The following BCKDHB variants were observed in gnomAD, a reference collection of about 807,000 sequenced individuals.
The protein encoded by BCKDHB is branched chain keto acid dehydrogenase E1 subunit beta, also known as 2-oxoisovalerate dehydrogenase subunit beta, mitochondrial.
Under a neutral mutation model 48.5 loss-of-function variants are expected in BCKDHB, and 41 were observed. That is an observed-to-expected ratio of 0.85 (90% CI 0.66 to 1.10). The LOEUF (loss-of-function observed/expected upper bound fraction) is 1.10, where lower values mean the gene tolerates loss of function less well. BCKDHB is among the 50% of genes least tolerant of loss of function. BCKDHB has a pLI of 0.00. For missense variants in BCKDHB, 496 were observed against 494.2 expected, an observed-to-expected ratio of 1.00 and a Z score of -0.03; for synonymous variants, 201 against 174.8, an observed-to-expected ratio of 1.15 and a Z score of -1.18.
chr6:80,307,894 T>C, intron 9 of BCKDHB: 2 of 972,706 alleles, frequency 2.1e-6, no homozygotes, highest in Non-Finnish European at 2.4e-6. Context: ...ATTAAAAACA[T>C]AAAAATTATT....
chr6:80,389,194 T>A, the BCKDHB span, among the ~76,000 whole-genome samples: 3 of 152,174 alleles, frequency 2.0e-5, no homozygotes, highest in African/African-American at 7.2e-5. Context: ...CCACTCCAGC[T>A]CTTTCCCCAG....
the BCKDHB span, among the ~76,000 whole-genome samples, chr6:80,417,791 G>T: frequency 1.3e-5 from 2 of 152,062 alleles, no homozygotes; most frequent in South Asian, 4.1e-4. Flanking sequence ...CAACTATGGG[G>T]AATCTGATAA....
At chr6:80,269,918 A>G (rs1777664401) in intron 8 of BCKDHB, among the ~76,000 whole-genome samples, 2 of 152,076 alleles carry the variant, frequency 1.3e-5, no homozygotes, top group South Asian at 2.1e-4. Flanking sequence ...ACAGTTACAT[A>G]TTATTTTGCC....
the BCKDHB span, among the ~76,000 whole-genome samples, chr6:80,405,475 A>C: frequency 1.3e-5 from 2 of 152,036 alleles, no homozygotes; most frequent in African/African-American, 4.8e-5. Context: ...TCTTGTTTTT[A>C]TTCATTCGGT....
the BCKDHB span, among the ~76,000 whole-genome samples, chr6:80,352,433 C>A: frequency 1.3e-5 from 2 of 152,112 alleles, no homozygotes; most frequent in Non-Finnish European, 2.9e-5. Context: ...AGTCAATCAA[C>A]CCCCAGGCTA....
intron 3 of BCKDHB, among the ~76,000 whole-genome samples, chr6:80,155,094 A>G (rs1386120086): frequency 1.3e-5 from 2 of 152,176 alleles, no homozygotes; most frequent in African/African-American, 4.8e-5. Context: ...CTTTAAAAAC[A>G]TATTCCTGAT....
intron 9 of BCKDHB, among the ~76,000 whole-genome samples, chr6:80,276,826 G>A (rs1306621848): frequency 6.6e-6 from 1 of 151,804 alleles, no homozygotes; most frequent in South Asian, 2.1e-4. Flanking sequence ...TTTATTTAAA[G>A]TTTCTTCATA....
intron 8 of BCKDHB, among the ~76,000 whole-genome samples, chr6:80,230,125 G>A (rs376781239): frequency 5.8e-5 from 7 of 120,400 alleles, no homozygotes; most frequent in African/African-American, 2.2e-4. Context: ...TGCAAGCTCC[G>A]CCTCTTGGGT....
intron 9 of BCKDHB, among the ~76,000 whole-genome samples, chr6:80,313,566 G>C (rs9352815): frequency 0.35 from 52,446 of 151,894 alleles, 9,211 homozygotes; most frequent in Non-Finnish European, 0.37. Flanking sequence ...TCACCTTGTT[G>C]GCCAGGCTGG....
chr6:80,380,038 T>G, the BCKDHB span, among the ~76,000 whole-genome samples: 1 of 151,982 alleles, frequency 6.6e-6, no homozygotes, highest in Non-Finnish European at 1.5e-5. Flanking sequence ...TCAATGCAGT[T>G]CCTATCAAAT....
chr6:80,246,518 G>A (rs900627721), intron 8 of BCKDHB, among the ~76,000 whole-genome samples: 1 of 152,120 alleles, frequency 6.6e-6, no homozygotes, highest in Admixed American at 6.6e-5. Context: ...TACTACAAAA[G>A]CCCTCCAGAC....
intron 6 of BCKDHB, among the ~76,000 whole-genome samples, chr6:80,175,463 A>G (rs1208939665): frequency 6.6e-6 from 1 of 152,224 alleles, no homozygotes; most frequent in East Asian, 1.9e-4. Context: ...AAAAGAAGCT[A>G]TAAATTTTAA....
chr6:80,312,467 A>G (rs950841010), intron 9 of BCKDHB, among the ~76,000 whole-genome samples: 3 of 152,166 alleles, frequency 2.0e-5, no homozygotes, highest in African/African-American at 7.2e-5. Context: ...ACTATGTTGA[A>G]TCAGAGTGAT....
intron 8 of BCKDHB, among the ~76,000 whole-genome samples, chr6:80,272,479 T>A (rs1777788425): frequency 6.6e-6 from 1 of 152,176 alleles, no homozygotes; most frequent in Non-Finnish European, 1.5e-5. Flanking sequence ...ATTGCTATAC[T>A]TTTTTATTTA....
At chr6:80,362,410 T>C in the BCKDHB span, among the ~76,000 whole-genome samples, 1 of 152,188 alleles carries the variant, frequency 6.6e-6, no homozygotes, top group Non-Finnish European at 1.5e-5. Flanking sequence ...TGATGCTTAA[T>C]GAGCTGCTCA....
intron 7 of BCKDHB, 105 bp from the exon 8 acceptor site, chr6:80,202,997 C>A: frequency 1.2e-6 from 1 of 819,678 alleles, no homozygotes; most frequent in Non-Finnish European, 2.1e-6. Flanking sequence ...CAGATCAGTT[C>A]CTGAGACTTT....
chr6:80,429,112 C>A, the BCKDHB span, among the ~76,000 whole-genome samples: 1 of 152,162 alleles, frequency 6.6e-6, no homozygotes, highest in Non-Finnish European at 1.5e-5. Flanking sequence ...TACCCAACAC[C>A]ACTTATTAAA....
intron 6 of BCKDHB, among the ~76,000 whole-genome samples, chr6:80,178,996 A>G (rs940060777): frequency 1.3e-5 from 2 of 152,172 alleles, no homozygotes. Flanking sequence ...TCTAGTTTTT[A>G]AAAGTTTCCC....
At chr6:80,215,989 C>T (rs1775154722) in intron 8 of BCKDHB, among the ~76,000 whole-genome samples, 1 of 152,224 alleles carries the variant, frequency 6.6e-6, no homozygotes, top group Non-Finnish European at 1.5e-5. Flanking sequence ...ATCCGCCTAC[C>T]TCGGCCTCCC....
Sources: allele counts gnomAD v4.1 joint callset (sites outside exome capture counted in the v4.1 genomes callset), GRCh38; gene constraint gnomAD v4.1.1; transcripts MANE v1.5; gene names NCBI Gene and HGNC (gene_info 2026-07-23, HGNC 2026-07-21).